Variants in PALM2AKAP2 observed in about 807,000 individuals in gnomAD.
The protein encoded by PALM2AKAP2 is PALM2 and AKAP2 fusion.
A neutral mutation model predicts 71.5 loss-of-function variants in PALM2AKAP2; 37 were observed. That is an observed-to-expected ratio of 0.52 (90% CI 0.40 to 0.68). The LOEUF is 0.68. PALM2AKAP2 is among the 30% of genes least tolerant of loss of function. The probability of loss-of-function intolerance (pLI) is 0.00; values close to 1 mark genes in which losing one functional copy is unlikely to be tolerated. For synonymous variants in PALM2AKAP2, 468 were observed against 478.8 expected, an observed-to-expected ratio of 0.98 and a Z score of 0.29; for missense variants, 1,224 against 1,191.8, an observed-to-expected ratio of 1.03 and a Z score of -0.40.
At chr9:110,004,178 T>A (rs1038244477) in intron 6 of PALM2AKAP2, among the ~76,000 whole-genome samples, 1 of 152,214 alleles carries the variant, frequency 6.6e-6, no homozygotes, top group Non-Finnish European at 1.5e-5. Context: ...CAGTTTTTCC[T>A]TTCCACGTTT....
intron 1 of PALM2AKAP2, chr9:110,127,586 GC>G (rs1422391850): frequency 6.6e-6 from 1 of 152,282 alleles, no homozygotes; most frequent in East Asian, 1.9e-4. Flanking sequence ...CGGCTTAGAG[GC>G]CCAAGTCTAA....
At chr9:109,979,507 A>G (rs1225982670) in intron 6 of PALM2AKAP2, among the ~76,000 whole-genome samples, 1 of 152,252 alleles carries the variant, frequency 6.6e-6, no homozygotes, top group Non-Finnish European at 1.5e-5. Context: ...AACCAAGTTT[A>G]AAGGTGTCTT....
intron 6 of PALM2AKAP2, chr9:109,943,116 C>T (rs777828480): frequency 4.2e-5 from 68 of 1,614,072 alleles, no homozygotes; most frequent in East Asian, 2.2e-4. Flanking sequence ...TGGATCAGCC[C>T]GTCACCATGA....
At chr9:109,856,278 G>A (rs1021147709) in intron 1 of PALM2AKAP2, among the ~76,000 whole-genome samples, 3 of 152,198 alleles carry the variant, frequency 2.0e-5, no homozygotes, top group African/African-American at 7.2e-5. Context: ...TGCAAACAAA[G>A]CACTGAGAAC....
intron 1 of PALM2AKAP2, among the ~76,000 whole-genome samples, chr9:109,683,892 G>T (rs1827772722): frequency 6.6e-6 from 1 of 151,002 alleles, no homozygotes; most frequent in African/African-American, 2.5e-5. Flanking sequence ...AGTGTATATT[G>T]GTTATATTAT....
chr9:110,152,691 T>C (rs1485712457), intron 2 of PALM2AKAP2, among the ~76,000 whole-genome samples: 1 of 152,214 alleles, frequency 6.6e-6, no homozygotes, highest in Non-Finnish European at 1.5e-5. Context: ...GTCACCGTCC[T>C]AATGGAGAGG....
intron 6 of PALM2AKAP2, among the ~76,000 whole-genome samples, chr9:109,963,892 T>A (rs1564236143): frequency 6.6e-6 from 1 of 152,096 alleles, no homozygotes; most frequent in Non-Finnish European, 1.5e-5. Context: ...CAGGCTAGGG[T>A]GTCCACCATG....
chr9:109,993,564 A>G (rs1308529926), intron 6 of PALM2AKAP2, among the ~76,000 whole-genome samples: 1 of 152,210 alleles, frequency 6.6e-6, no homozygotes, highest in African/African-American at 2.4e-5. Flanking sequence ...TAGGAATAGA[A>G]GAGGGTAGCA....
chr9:110,144,130 C>T (rs1424375082), intron 2 of PALM2AKAP2, among the ~76,000 whole-genome samples: 1 of 152,188 alleles, frequency 6.6e-6, no homozygotes, highest in Non-Finnish European at 1.5e-5. Context: ...AAATTAGAGC[C>T]ACATGAGGCA....
intron 1 of PALM2AKAP2, among the ~76,000 whole-genome samples, chr9:109,769,484 A>C (rs2118761387): frequency 6.6e-6 from 1 of 152,282 alleles, no homozygotes; most frequent in Non-Finnish European, 1.5e-5. Context: ...CCAACCTAAC[A>C]GTGTCTTTAA....
chr9:110,154,928 C>T (rs1267579142), intron 2 of PALM2AKAP2, among the ~76,000 whole-genome samples: 1 of 152,194 alleles, frequency 6.6e-6, no homozygotes, highest in Non-Finnish European at 1.5e-5. Context: ...ACCGCTATGG[C>T]AGTTAAAGCT....
intron 6 of PALM2AKAP2, among the ~76,000 whole-genome samples, chr9:109,985,606 C>T (rs1435659762): frequency 2.4e-5 from 3 of 126,388 alleles, no homozygotes; most frequent in East Asian, 4.7e-4. Context: ...GGCGACAGAA[C>T]GAGACTCCGT....
At chr9:109,691,212 C>T (rs1827880105) in intron 1 of PALM2AKAP2, among the ~76,000 whole-genome samples, 1 of 150,060 alleles carries the variant, frequency 6.7e-6, no homozygotes, top group Admixed American at 6.6e-5. Context: ...CACATGCACA[C>T]ACAGCTTCAT....
intron 6 of PALM2AKAP2, among the ~76,000 whole-genome samples, chr9:109,948,096 G>A (rs539010367): frequency 6.6e-6 from 1 of 152,224 alleles, no homozygotes; most frequent in African/African-American, 2.4e-5. Context: ...GCCTTCTTCT[G>A]GTATTACCAG....
intron 2 of PALM2AKAP2, among the ~76,000 whole-genome samples, chr9:109,877,949 A>C (rs891450432): frequency 2.0e-5 from 3 of 152,224 alleles, no homozygotes; most frequent in Non-Finnish European, 4.4e-5. Flanking sequence ...TGTGCCTACA[A>C]CAGATTAAGT....
In PALM2AKAP2 at chr9:109,910,122, C is replaced by T. The variant is rs546417483; in HGVS notation, c.258-13613C>T. Among the ~76,000 whole-genome samples the T allele has an allele frequency of 5.4e-4, 82 of 152,272 alleles. 3 individuals are homozygous for T. In the South Asian group the frequency reaches 0.017, roughly 31 times the overall value. ...AATTGGCTTGGTGGCTAATAAGACA[C>T]TTAGTTGACCTGGTGACTAATAAGA... On this transcript the variant is annotated intron_variant, in intron 3 of 9. Coordinates refer to the PALM2AKAP2 transcript ENST00000302798.
At chr9:109,957,400 A>T (rs927770162) in intron 6 of PALM2AKAP2, among the ~76,000 whole-genome samples, 12 of 152,150 alleles carry the variant, frequency 7.9e-5, no homozygotes, top group African/African-American at 2.9e-4. Flanking sequence ...TAGCAAGCTG[A>T]CTCCCGCACA....
At chr9:109,758,163 T>C (rs1054015287) in intron 1 of PALM2AKAP2, among the ~76,000 whole-genome samples, 7 of 152,130 alleles carry the variant, frequency 4.6e-5, no homozygotes, top group Admixed American at 3.3e-4. Context: ...ATTTATAATA[T>C]ATCTTCATGC....
At chr9:109,923,692 C>A in intron 3 of PALM2AKAP2, 43 bp from the exon 4 acceptor site, 10 of 1,535,738 alleles carry the variant, frequency 6.5e-6, no homozygotes, top group Non-Finnish European at 7.9e-6. Flanking sequence ...CCGTGGATGG[C>A]AGGACAATAA....
Sources: allele counts gnomAD v4.1 joint callset (sites outside exome capture counted in the v4.1 genomes callset), GRCh38; gene constraint gnomAD v4.1.1; transcripts MANE v1.5; gene names NCBI Gene and HGNC (gene_info 2026-07-23, HGNC 2026-07-21).